RARS1: variants seen among roughly 807,000 people sequenced by gnomAD.
The protein encoded by RARS1 is arginine--tRNA ligase, cytoplasmic.
A neutral mutation model predicts 78.7 loss-of-function variants in RARS1; 75 were observed. That is an observed-to-expected ratio of 0.95 (90% CI 0.79 to 1.15). The LOEUF (loss-of-function observed/expected upper bound fraction) is 1.15, where lower values mean the gene tolerates loss of function less well. Among genes scored for constraint, RARS1 ranks in the 50% most tolerant of loss-of-function variants. The probability of loss-of-function intolerance (pLI) is 0.00; values close to 1 mark genes in which losing one functional copy is unlikely to be tolerated. For missense variants in RARS1, 787 were observed against 787.5 expected (o/e 1.00, Z 0.01); for synonymous variants, 273 against 268.2 (o/e 1.02, Z -0.18).
intron 3 of RARS1, among the ~76,000 whole-genome samples, chr5:168,493,626 T>C: frequency 9.0e-6 from 1 of 110,862 alleles, no homozygotes; most frequent in Non-Finnish European, 1.7e-5. Context: ...AGAGCGAGAC[T>C]CCATCTCAAA....
At chr5:168,515,798 C>T (rs1362803705) in intron 12 of RARS1, among the ~76,000 whole-genome samples, 1 of 152,226 alleles carries the variant, frequency 6.6e-6, no homozygotes, top group African/African-American at 2.4e-5. Flanking sequence ...CTGCTGAAAT[C>T]ACTGCTCAGC....
At position 168,510,678 on chromosome 5, in the gene RARS1, A is replaced by G. The variant is rs1223073764; in HGVS notation, c.1444A>G (p.Arg482Gly). ...CATGGACAAGTTGAAGGAAAAAGAA[A>G]GAGACAAGGTAATTCAAAGCCTTAT... The part of the protein sequence containing the change: ...RSMDKLKEKE[R>G]DKVLTAEELN... The change falls in exon 12 of 15, where the codon AGA (arginine) becomes GGA (glycine). Residue 482 changes from arginine (R) to glycine (G), a missense_variant. Arg to Gly is a moderately radical substitution (Grantham distance 125, BLOSUM62 -2). Transcript: ENST00000231572. 1.9e-6 allele frequency: 3 copies of G among 1,601,782 alleles called. No homozygotes were observed. The highest frequency in any genetic ancestry group is 2.6e-6 in the Non-Finnish European group (3 of 1,174,742).
At chr5:168,498,507 GTATTA>G (rs1363199085) in intron 7 of RARS1, among the ~76,000 whole-genome samples, 1 of 151,916 alleles carries the variant, frequency 6.6e-6, no homozygotes, top group Non-Finnish European at 1.5e-5. Flanking sequence ...TATAGTTTTT[GTATTA>G]TATTTAATAT....
intron 9 of RARS1, among the ~76,000 whole-genome samples, chr5:168,503,894 G>A (rs1758379778): frequency 6.6e-6 from 1 of 151,856 alleles, no homozygotes; most frequent in Admixed American, 6.6e-5. Flanking sequence ...AACATAGCAG[G>A]ACCCTTTCTC....
rs34723836 is a variant in RARS1, at chr5:168,510,644, A to T, written c.1410A>T (p.Leu470=). The T allele has an allele frequency of 6.1e-4, 991 of 1,611,422 alleles. 5 individuals carry two copies. In the African/African-American group the frequency reaches 8.7e-3, roughly 14 times the overall value. Residue 470 remains leucine, a synonymous_variant, in exon 12 of 15, where the codon CTA becomes CTT. Transcript: ENST00000231572. ...VRLMDLLGEG[L]KRSMDKLKEK... is the part of the protein sequence containing the mutation. Reference sequence around the variant, plus strand: ...TCATGGATCTTCTGGGAGAAGGACTAAAACGATCCATGGACAAGTTGAAGG... The same window carrying T: ...TCATGGATCTTCTGGGAGAAGGACTTAAACGATCCATGGACAAGTTGAAGG...
intron 9 of RARS1, among the ~76,000 whole-genome samples, chr5:168,502,566 G>A (rs1467815491): frequency 1.7e-4 from 23 of 131,654 alleles, no homozygotes; most frequent in Admixed American, 1.7e-3. Flanking sequence ...GTTGATTCAT[G>A]AATTTTTTTT....
chr5:168,518,229 G>A (rs1017401399), intron 14 of RARS1, among the ~76,000 whole-genome samples, 167 bp downstream of exon 14: 5 of 151,428 alleles, frequency 3.3e-5, no homozygotes, highest in East Asian at 1.9e-4. Flanking sequence ...ACTTACACAC[G>A]TGTGAGCCAC....
At chr5:168,516,590 C>T (rs997608361) in intron 12 of RARS1, among the ~76,000 whole-genome samples, 188 bp from the exon 13 acceptor site, 1 of 152,156 alleles carries the variant, frequency 6.6e-6, no homozygotes, top group Non-Finnish European at 1.5e-5. Flanking sequence ...GTGCATAACG[C>T]ATTTTATATT....
chr5:168,498,659 T>C (rs999593304), intron 7 of RARS1, among the ~76,000 whole-genome samples: 2 of 152,194 alleles, frequency 1.3e-5, no homozygotes, highest in Non-Finnish European at 2.9e-5. Context: ...ACTTGGATTT[T>C]TTTCCCTCTT....
At chr5:168,492,584 C>G in intron 2 of RARS1, 75 bp from the exon 3 acceptor site, 2 of 1,284,380 alleles carry the variant, frequency 1.6e-6, no homozygotes, top group South Asian at 1.5e-5. Context: ...GGTTTATACT[C>G]AAAATATTTG....
At position 168,506,776 on chromosome 5, in the gene RARS1, C is replaced by A. The variant is rs549464420; in HGVS notation, c.1291C>A (p.Pro431Thr). ...TGCTCAAATGATTGGTTGGTATGAC[C>A]CTAAAGTAACTCGAGTCTTCCATGC... is the stretch of plus-strand genomic sequence containing the variant. ...AAAQMIGWYD[P>T]KVTRVFHAGF... is the part of the protein sequence containing the mutation. Residue 431 changes from proline (P) to threonine (T), a missense_variant, in exon 11 of 15, where the codon CCT (proline) becomes ACT (threonine). Transcript: ENST00000231572. The A allele has an allele frequency of 3.1e-6, 5 of 1,613,574 alleles. No homozygotes were observed. The East Asian group carries it at 6.7e-5, about 22-fold the overall frequency.
At position 168,506,733 on chromosome 5, in the gene RARS1, C is replaced by T; in HGVS notation, c.1248C>T (p.Phe416=). ...YVVDNGQSVH[F]QTIFAAAQMI... The stretch of plus-strand genomic sequence containing the variant: ...CGTTTCTGTTGTAGTCTGTGCACTT[C>T]CAGACAATATTTGCTGCTGCTCAAA... The change falls in exon 11 of 15, where the codon TTC becomes TTT. Residue 416 remains phenylalanine (F), a synonymous_variant. Coordinates refer to ENST00000231572, the MANE Select transcript of RARS1 (RefSeq NM_002887.4). The T allele has an allele frequency of 6.2e-7, 1 of 1,612,032 alleles. No homozygotes were observed.
intron 7 of RARS1, among the ~76,000 whole-genome samples, chr5:168,499,463 AT>A (rs1452532918): frequency 6.6e-6 from 1 of 152,206 alleles, no homozygotes; most frequent in East Asian, 1.9e-4. Flanking sequence ...ATGATGGAGA[AT>A]GTTTCAAGAA....
intron 1 of RARS1, among the ~76,000 whole-genome samples, chr5:168,487,557 T>C (rs1276213378): frequency 1.3e-5 from 2 of 152,240 alleles, no homozygotes; most frequent in South Asian, 2.1e-4. Context: ...TTTATCGGTA[T>C]GTATTTATCT....
chr5:168,501,952 A>G, intron 8 of RARS1, 49 bp from the exon 9 acceptor site: 2 of 1,556,586 alleles, frequency 1.3e-6, no homozygotes, highest in Non-Finnish European at 8.6e-7. Context: ...TCCTGTTTTT[A>G]AAAAATTCTT....
In RARS1 at chr5:168,512,193, G is replaced by A. The variant is rs186953392; in HGVS notation, c.1452+1507G>A. Among the ~76,000 whole-genome samples, 81 of 152,328 alleles carry A rather than the reference G, an allele frequency of 5.3e-4. 1 individual carries two copies. The highest frequency in any genetic ancestry group is 5.3e-3 in the Admixed American group (81 of 15,298). On this transcript the variant is annotated intron_variant, in intron 12 of 14. Coordinates refer to ENST00000231572, the MANE Select transcript of RARS1 (RefSeq NM_002887.4). ...ATTGCTGCATGATATTCTGATATAT[G>A]AAGGTGCCACATTTTGTTTATCCAT...
chr5:168,493,917 A>G lies in RARS1; in HGVS notation c.393A>G (p.Lys131=), dbSNP rs1758132897. The G allele has an allele frequency of 1.2e-6, 2 of 1,612,820 alleles. No homozygotes were observed. The highest frequency in any genetic ancestry group is 1.7e-6 in the Non-Finnish European group (2 of 1,178,848). ...ISQMLKTKEQ[K]VNPREIAENI... is the part of the protein sequence containing the mutation. Reference sequence around the variant, plus strand: ...AGATGCTCAAAACCAAGGAACAGAAAGTTAATCCAAGAGAAATTGCTGAAA... The same window carrying G: ...AGATGCTCAAAACCAAGGAACAGAAGGTTAATCCAAGAGAAATTGCTGAAA... The change falls in exon 4 of 15, where the codon AAA becomes AAG. Residue 131 remains lysine, a synonymous_variant. Transcript: ENST00000231572.
chr5:168,495,144 A>C, intron 5 of RARS1, 171 bp from the exon 6 acceptor site: 1 of 1,163,208 alleles, frequency 8.6e-7, no homozygotes, highest in South Asian at 1.9e-5. Context: ...TCCATCATAA[A>C]ATCAAACATG....
chr5:168,492,535 A>G (rs1758106212), intron 2 of RARS1, 124 bp from the exon 3 acceptor site: 6 of 811,098 alleles, frequency 7.4e-6, no homozygotes, highest in Middle Eastern at 3.8e-4. Flanking sequence ...GCATCACACC[A>G]TAAGTACGTT....
Sources: gnomAD v4.1 joint callset for allele counts (sites outside exome capture counted in the v4.1 genomes callset) on GRCh38, gnomAD v4.1.1 for gene constraint, MANE v1.5 for transcripts, NCBI Gene and HGNC (gene_info 2026-07-23, HGNC 2026-07-21) for gene names.